PCDHGB1: variants seen among roughly 807,000 people sequenced by gnomAD.
PCDHGB1 encodes the protein protocadherin gamma subfamily B, 1, also known as protocadherin gamma-B1.
In PCDHGB1, 34 loss-of-function variants were observed where a neutral mutation model predicts 56.6. The ratio of observed to expected loss-of-function variants is 0.60; its 90% confidence interval spans 0.46 to 0.80. The LOEUF is 0.80. Among genes scored for constraint, PCDHGB1 ranks in the 30% least tolerant of loss-of-function variants. PCDHGB1 has a pLI of 0.00. For missense variants in PCDHGB1, 1,278 were observed against 1,204.6 expected (o/e 1.06, Z -0.90); for synonymous variants, 561 against 505.9 (o/e 1.11, Z -1.46).
chr5:141,399,972 G>A, intron 1 of PCDHGB1: 1 of 1,612,256 alleles, frequency 6.2e-7, no homozygotes. Flanking sequence ...TCTTCAGCCT[G>A]GGGCTGCGCA....
intron 2 of PCDHGB1, among the ~76,000 whole-genome samples, chr5:141,504,443 A>C (rs1043353401): frequency 2.0e-5 from 3 of 152,070 alleles, no homozygotes; most frequent in African/African-American, 4.8e-5. Context: ...CAGTGTGACT[A>C]GTGCCATGTG....
At chr5:141,411,189 T>C (rs1222862554) in intron 1 of PCDHGB1, 1 of 152,208 alleles carries the variant, frequency 6.6e-6, no homozygotes, top group Non-Finnish European at 1.5e-5. Context: ...TCTTGGCATC[T>C]AAGAAAACAA....
chr5:141,427,693 C>A, intron 1 of PCDHGB1: 2 of 909,726 alleles, frequency 2.2e-6, no homozygotes, highest in East Asian at 2.5e-5. Context: ...GCCTCCATCC[C>A]ACAAGTCAGC....
chr5:141,418,533 C>G, intron 1 of PCDHGB1: 1 of 1,614,032 alleles, frequency 6.2e-7, no homozygotes, highest in Non-Finnish European at 8.5e-7. Flanking sequence ...CGAAGCGGTA[C>G]TGCTCAGATA....
At chr5:141,427,249 G>A (rs1417336994) in intron 1 of PCDHGB1, 1 of 456,742 alleles carries the variant, frequency 2.2e-6, no homozygotes, top group African/African-American at 2.0e-5. Context: ...GCTAAGGATG[G>A]TGGAGGCATG....
At chr5:141,394,168 T>G in intron 1 of PCDHGB1, 1 of 1,613,752 alleles carries the variant, frequency 6.2e-7, no homozygotes, top group Non-Finnish European at 8.5e-7. Flanking sequence ...CCTCCTACTT[T>G]CCCTCATGCC....
rs1387152450 is a variant in PCDHGB1 at position 141,487,754 on chromosome 5, G to A, written c.2410-7053G>A. The A allele has an allele frequency of 1.3e-6, 2 of 1,552,036 alleles. No individual in the cohort carries two copies. Among genetic ancestry groups the A allele is most frequent in the Admixed American group, 3.9e-5 (2 of 50,970 alleles). ...CATTTTTGTAAGAGGTAACTATGTG[G>A]TAGACGCTGTGCTTTGTAACTGTTT... On this transcript the variant is annotated intron_variant, in intron 1 of 3. Transcript: ENST00000523390. This position sits in a 1 kb window ranked among gnomAD's most constrained non-coding sequence, Gnocchi z 5.0.
chr5:141,413,599 C>G, intron 1 of PCDHGB1: 2 of 1,613,830 alleles, frequency 1.2e-6, no homozygotes, highest in East Asian at 2.2e-5. Flanking sequence ...AGCAGAAAAT[C>G]TAGACGTAAA....
At position 141,490,169 on chromosome 5, in the gene PCDHGB1, T is replaced by C; in HGVS notation, c.2410-4638T>C. ...ATCCATGTGTTGGGTCCCATAGACT[T>C]TGAGGAGTCACGTTTCTATGAAATT... On this transcript the variant is annotated intron_variant, in intron 1 of 3. Transcript: ENST00000523390. This position sits in a 1 kb window ranked among gnomAD's most constrained non-coding sequence, Gnocchi z 5.4. 6.2e-7 allele frequency: 1 copy of C among 1,614,190 alleles called. No individual in the cohort carries two copies. The highest frequency in any genetic ancestry group is 8.5e-7 in the Non-Finnish European group (1 of 1,180,018).
chr5:141,487,275 G>T lies in PCDHGB1; in HGVS notation c.2410-7532G>T, dbSNP rs747253888. 2.5e-6 allele frequency: 4 copies of T among 1,614,158 alleles called. No homozygotes were observed. The highest frequency in any genetic ancestry group is 1.1e-5 in the South Asian group (1 of 91,074). On this transcript the variant is annotated intron_variant, in intron 1 of 3. Coordinates refer to ENST00000523390, the MANE Select transcript of PCDHGB1 (RefSeq NM_018922.3). The surrounding 1 kb of genome is among the most constrained non-coding windows in gnomAD (Gnocchi z 5.0). ...TTGGCTGTGTCCCTAGTGGCAATTT[G>T]CTTTGTCTCCTTTGGCTCATTCGTG...
In PCDHGB1 at chr5:141,351,856, C is replaced by T; in HGVS notation, c.1596C>T (p.Asp532=). ...TCGAGCTCACACTGCAGGCCAGGGA[C>T]CAGGGCTCCCCCGCGCTCAGCGCCA... The part of the protein sequence containing the change: ...RAFELTLQAR[D]QGSPALSANV... Residue 532 remains aspartate (D), a synonymous_variant, in exon 1 of 4, where the codon GAC becomes GAT. Coordinates refer to ENST00000523390, the MANE Select transcript of PCDHGB1 (RefSeq NM_018922.3). 1 of 1,613,210 alleles carries T rather than the reference C, an allele frequency of 6.2e-7. No individual in the cohort carries two copies. The highest frequency in any genetic ancestry group is 1.1e-5 in the South Asian group (1 of 91,050).
rs1230103133 is a variant in PCDHGB1, at chr5:141,357,488, C to T, written c.2409+4819C>T. ...CACGAGGTCTCCCTCACCGCGGACT[C>T]GCGGAAGAGTCACCTGATCTTCTCC... On this transcript the variant is annotated intron_variant, in intron 1 of 3. Coordinates refer to ENST00000523390, the MANE Select transcript of PCDHGB1 (RefSeq NM_018922.3). 6.8e-6 allele frequency: 11 copies of T among 1,614,100 alleles called. No individual in the cohort carries two copies. The East Asian group carries it at 2.2e-4, about 33-fold the overall frequency.
At chr5:141,384,889 G>GTGGC in intron 1 of PCDHGB1, 1 of 1,613,882 alleles carries the variant, frequency 6.2e-7, no homozygotes, top group Non-Finnish European at 8.5e-7. Context: ...CACCGTGGCT[G>GTGGC]TGGCTGACAG....
rs1347087103 is a variant in PCDHGB1 at position 141,409,851 on chromosome 5, T to C, written c.2409+57182T>C. 4 of 1,612,112 alleles carry C rather than the reference T, an allele frequency of 2.5e-6. No homozygotes were observed. In the Admixed American group the frequency reaches 6.7e-5, roughly 27 times the overall value. On this transcript the variant is annotated intron_variant, in intron 1 of 3. Transcript: ENST00000523390. ...CTCAGCGCCAACGTGAGCCTGCGCG[T>C]GTTGGTGGGAGACCGCAATGACAAC...
In PCDHGB1 at chr5:141,487,439, T is replaced by C. The variant is rs201458212; in HGVS notation, c.2410-7368T>C. 1 of 1,613,926 alleles carries C rather than the reference T, an allele frequency of 6.2e-7. No individual in the cohort carries two copies. Among genetic ancestry groups the C allele is most frequent in the South Asian group, 1.1e-5 (1 of 91,066 alleles). ...TGGGATCCTCCGAATCCAGCTAGGG[T>C]CAGATGACCCTATCAAGTTTGTTGA... is the stretch of plus-strand genomic sequence containing the variant. On this transcript the variant is annotated intron_variant, in intron 1 of 3. Transcript: ENST00000523390. This position sits in a 1 kb window ranked among gnomAD's most constrained non-coding sequence, Gnocchi z 5.0.
intron 1 of PCDHGB1, chr5:141,366,719 G>A: frequency 6.2e-7 from 1 of 1,613,834 alleles, no homozygotes; most frequent in Non-Finnish European, 8.5e-7. Flanking sequence ...GTCTGATAAG[G>A]TAGATGCAAA....
At chr5:141,480,722 C>T (rs1002559431) in intron 1 of PCDHGB1, among the ~76,000 whole-genome samples, 1 of 152,174 alleles carries the variant, frequency 6.6e-6, no homozygotes, top group African/African-American at 2.4e-5. Flanking sequence ...AAAGCACAGT[C>T]TCTGGGGGTG....
Position 141,431,241 on chromosome 5 carries a change from A to T in PCDHGB1, c.2410-63566A>T. On this transcript the variant is annotated intron_variant, in intron 1 of 3. Coordinates refer to ENST00000523390, the MANE Select transcript of PCDHGB1 (RefSeq NM_018922.3). This position sits in a 1 kb window ranked among gnomAD's most constrained non-coding sequence, Gnocchi z 4.8. ...CCTCTACCCCACGCCTGGGATCCGG[A>T]TATCGGGAAGAACTCTCTGCAGAGC... The T allele has an allele frequency of 6.2e-7, 1 of 1,614,138 alleles. No individual in the cohort carries two copies. The highest frequency in any genetic ancestry group is 8.5e-7 in the Non-Finnish European group (1 of 1,180,046).
intron 1 of PCDHGB1, chr5:141,375,627 A>T (rs1561569034): frequency 6.2e-7 from 1 of 1,614,066 alleles, no homozygotes; most frequent in Non-Finnish European, 8.5e-7. Flanking sequence ...GGGATTCTGT[A>T]CGCCCTGCGC....
Sources: gnomAD v4.1 joint callset for allele counts (sites outside exome capture counted in the v4.1 genomes callset) on GRCh38, gnomAD v4.1.1 for gene constraint, Gnocchi (gnomAD v3.1) non-coding constraint, MANE v1.5 for transcripts, NCBI Gene and HGNC (gene_info 2026-07-23, HGNC 2026-07-21) for gene names.